The following PAX5 variants were observed in gnomAD, a reference collection of about 807,000 sequenced individuals.
The protein encoded by PAX5 is paired box protein Pax-5.
PAX5 carries 9 observed loss-of-function variants against 43.7 expected under a neutral mutation model. The observed-to-expected ratio is 0.21, with a 90% CI of 0.12 to 0.36. The LOEUF (loss-of-function observed/expected upper bound fraction) is 0.36. PAX5 is among the 10% of genes least tolerant of loss of function. The probability of loss-of-function intolerance (pLI) is 1.00; values close to 1 mark genes in which losing one functional copy is unlikely to be tolerated. For missense variants in PAX5, 383 were observed against 532.7 expected (o/e 0.72, Z 2.77); for synonymous variants, 228 against 214.3 (o/e 1.06, Z -0.56).
intron 7 of PAX5, among the ~76,000 whole-genome samples, chr9:36,914,586 T>C (rs1303703541): frequency 6.6e-6 from 1 of 152,218 alleles, no homozygotes; most frequent in Non-Finnish European, 1.5e-5. Context: ...ATTTACCTCA[T>C]AGGGCATTGT....
At chr9:36,905,652 G>A (rs1292926356) in intron 7 of PAX5, among the ~76,000 whole-genome samples, 2 of 152,178 alleles carry the variant, frequency 1.3e-5, no homozygotes, top group Non-Finnish European at 2.9e-5. Context: ...CCACTGGGCA[G>A]CTTCATAGAT....
chr9:36,838,369 C>T lies in PAX5; in HGVS notation c.*2191G>A, dbSNP rs1229477116. The T allele has an allele frequency of 4.3e-6, 1 of 232,810 alleles. No homozygotes were observed. The highest frequency in any genetic ancestry group is 5.6e-5 in the Admixed American group (1 of 17,772). The allele number at this position is 232,810 out of a possible 1,614,324, so 14.4% of individuals were successfully genotyped here. On this transcript the variant is annotated 3_prime_UTR_variant, in exon 10 of 10. Transcript: ENST00000358127. ...AGGAGATGTGGATAGACCAGGGTGA[C>T]AGGGAACACCATGGGTTGGGGGTCA...
At chr9:37,028,696 G>A (rs1588277106) in intron 1 of PAX5, among the ~76,000 whole-genome samples, 1 of 152,224 alleles carries the variant, frequency 6.6e-6, no homozygotes. Context: ...GCTAATAAGG[G>A]TCCCTGAAGC....
intron 7 of PAX5, among the ~76,000 whole-genome samples, chr9:36,917,624 C>T (rs1354765119): frequency 6.6e-6 from 1 of 152,230 alleles, no homozygotes; most frequent in East Asian, 1.9e-4. Context: ...GAAAGGCAAC[C>T]ACAGCCTCAA....
At chr9:36,921,274 C>G (rs1830151053) in intron 7 of PAX5, among the ~76,000 whole-genome samples, 1 of 152,244 alleles carries the variant, frequency 6.6e-6, no homozygotes, top group African/African-American at 2.4e-5. Context: ...CTCATAAACT[C>G]TGATCCCAGT....
intron 7 of PAX5, among the ~76,000 whole-genome samples, chr9:36,895,837 T>G (rs1827815942): frequency 6.6e-6 from 1 of 152,078 alleles, no homozygotes; most frequent in South Asian, 2.1e-4. Flanking sequence ...GGGGCTCAAA[T>G]CTAAGATGTG....
intron 6 of PAX5, among the ~76,000 whole-genome samples, chr9:36,931,199 C>T (rs1176907971): frequency 6.6e-6 from 1 of 152,234 alleles, no homozygotes; most frequent in Non-Finnish European, 1.5e-5. Context: ...TACATCTACC[C>T]AGAAGGAGGA....
chr9:36,996,461 G>A (rs1042622595), intron 5 of PAX5, among the ~76,000 whole-genome samples: 9 of 152,206 alleles, frequency 5.9e-5, no homozygotes, highest in Admixed American at 2.6e-4. Context: ...GGGCTCTCCA[G>A]GGATCAGAGA....
intron 5 of PAX5, among the ~76,000 whole-genome samples, chr9:36,989,997 T>TG (rs1486003340): frequency 6.6e-6 from 1 of 152,186 alleles, no homozygotes; most frequent in East Asian, 1.9e-4. Flanking sequence ...TTCTGTGTGC[T>TG]GGTGGGGAGT....
intron 7 of PAX5, among the ~76,000 whole-genome samples, chr9:36,890,960 G>A (rs575677497): frequency 1.1e-4 from 17 of 152,220 alleles, no homozygotes; most frequent in South Asian, 6.2e-4. Context: ...ACAACATGGC[G>A]AAACCCCATC....
chr9:36,838,587 C>A lies in PAX5; in HGVS notation c.*1973G>T, dbSNP rs1821808221. On this transcript the variant is annotated 3_prime_UTR_variant, in exon 10 of 10. Coordinates refer to ENST00000358127, the MANE Select transcript of PAX5 (RefSeq NM_016734.3). ...CCCCAAGCTGGGCCTCAGTTTCCCA[C>A]AAGGGAAGTTGGGCTAGGTCTTTTT... 1 of 233,300 alleles carries A rather than the reference C, an allele frequency of 4.3e-6. No homozygotes were observed. 14.5% of individuals were successfully genotyped at this position (233,300 alleles called of 1,614,324 possible).
intron 7 of PAX5, among the ~76,000 whole-genome samples, chr9:36,893,989 A>G (rs1477348623): frequency 6.6e-6 from 1 of 152,238 alleles, no homozygotes; most frequent in Non-Finnish European, 1.5e-5. Context: ...ATCTGGGTCC[A>G]GAGTGGCTCC....
chr9:36,954,733 C>A (rs1182960540), intron 6 of PAX5, among the ~76,000 whole-genome samples: 1 of 152,176 alleles, frequency 6.6e-6, no homozygotes, highest in East Asian at 1.9e-4. Flanking sequence ...CTTCTTCAAT[C>A]TAATGATACA....
At chr9:36,908,252 C>A (rs1273681948) in intron 7 of PAX5, among the ~76,000 whole-genome samples, 8 of 150,096 alleles carry the variant, frequency 5.3e-5, no homozygotes, top group Non-Finnish European at 1.2e-4. Flanking sequence ...AGAGATTAAA[C>A]CAAAGAGAAG....
chr9:37,027,605 T>TGCCGCCGCCGCC (rs550059461), intron 1 of PAX5, among the ~76,000 whole-genome samples: 1 of 152,174 alleles, frequency 6.6e-6, no homozygotes, highest in African/African-American at 2.4e-5. Context: ...CTGCCTGCGT[T>TGCCGCCGCCGCC]GCCGCCGCCG....
At chr9:36,889,808 G>A (rs1461153492) in intron 7 of PAX5, among the ~76,000 whole-genome samples, 1 of 152,148 alleles carries the variant, frequency 6.6e-6, no homozygotes, top group Non-Finnish European at 1.5e-5. Flanking sequence ...TCGCATCAGC[G>A]TCTCAGAAAG....
chr9:36,854,388 A>G (rs1823451498), intron 8 of PAX5, among the ~76,000 whole-genome samples: 1 of 152,230 alleles, frequency 6.6e-6, no homozygotes, highest in African/African-American at 2.4e-5. Flanking sequence ...AATAATATGT[A>G]TAATATTTAT....
chr9:37,019,332 C>G (rs1386791280), intron 2 of PAX5, among the ~76,000 whole-genome samples: 2 of 152,182 alleles, frequency 1.3e-5, no homozygotes, highest in East Asian at 1.9e-4. Context: ...GCAATCACCC[C>G]CTATCTCTGG....
chr9:36,991,304 A>G (rs899305843), intron 5 of PAX5, among the ~76,000 whole-genome samples: 5 of 152,136 alleles, frequency 3.3e-5, no homozygotes, highest in Non-Finnish European at 7.3e-5. Context: ...AAAGATCTAG[A>G]ATCTAACTCC....
Sources: gnomAD v4.1 joint callset for allele counts (sites outside exome capture counted in the v4.1 genomes callset) on GRCh38, gnomAD v4.1.1 for gene constraint, MANE v1.5 for transcripts, NCBI Gene and HGNC (gene_info 2026-07-23, HGNC 2026-07-21) for gene names.